The following RCAN2 variants were observed in gnomAD, a reference collection of about 807,000 sequenced individuals.
The protein encoded by RCAN2 is regulator of calcineurin 2.
A neutral mutation model predicts 23.6 loss-of-function variants in RCAN2; 9 were observed. The observed-to-expected ratio is 0.38, with a 90% confidence interval of 0.23 to 0.67. RCAN2 has a LOEUF of 0.67. Among genes scored for constraint, RCAN2 ranks in the 30% least tolerant of loss-of-function variants. The probability of loss-of-function intolerance (pLI) is 0.51; values close to 1 mark genes in which losing one functional copy is unlikely to be tolerated. For missense variants in RCAN2, 273 were observed against 302.3 expected, an observed-to-expected ratio of 0.90 and a Z score of 0.72; for synonymous variants, 109 against 115.7, an observed-to-expected ratio of 0.94 and a Z score of 0.37.
intron 2 of RCAN2, among the ~76,000 whole-genome samples, chr6:46,410,519 C>G (rs979401206): frequency 6.6e-6 from 1 of 152,160 alleles, no homozygotes; most frequent in Admixed American, 6.5e-5. Flanking sequence ...TATTTGACAT[C>G]GTCTTTCTCC....
intron 2 of RCAN2, among the ~76,000 whole-genome samples, chr6:46,302,409 G>A (rs1762930356): frequency 6.6e-6 from 1 of 152,046 alleles, no homozygotes; most frequent in Non-Finnish European, 1.5e-5. Flanking sequence ...TCCAAGAGAG[G>A]ATCTGCAGAC....
At chr6:46,254,644 T>G (rs1426895225) in intron 2 of RCAN2, among the ~76,000 whole-genome samples, 1 of 152,056 alleles carries the variant, frequency 6.6e-6, no homozygotes, top group East Asian at 1.9e-4. Context: ...GGGAAACACT[T>G]ATTGGCTGAA....
At chr6:46,385,847 ACT>A (rs1457968992) in intron 2 of RCAN2, among the ~76,000 whole-genome samples, 2 of 122,658 alleles carry the variant, frequency 1.6e-5, no homozygotes. Flanking sequence ...GCAAAACAAG[ACT>A]CTCTCTCTCT....
chr6:46,379,319 T>A (rs921689402), intron 2 of RCAN2, among the ~76,000 whole-genome samples: 2 of 152,168 alleles, frequency 1.3e-5, no homozygotes, highest in South Asian at 4.2e-4. Context: ...TGAAAATGAT[T>A]AACTGCTCTG....
At chr6:46,407,133 G>A (rs1473613488) in intron 2 of RCAN2, among the ~76,000 whole-genome samples, 1 of 152,166 alleles carries the variant, frequency 6.6e-6, no homozygotes, top group Non-Finnish European at 1.5e-5. Flanking sequence ...GAACTGTTTG[G>A]TAAAGGAGCC....
intron 2 of RCAN2, among the ~76,000 whole-genome samples, chr6:46,419,381 C>A (rs778776481): frequency 3.9e-5 from 6 of 152,166 alleles, no homozygotes; most frequent in Non-Finnish European, 8.8e-5. Flanking sequence ...CTAGTATGCT[C>A]TTCTCCCAAT....
chr6:46,261,774 C>A (rs778561678), intron 2 of RCAN2, among the ~76,000 whole-genome samples: 14 of 152,088 alleles, frequency 9.2e-5, no homozygotes, highest in Non-Finnish European at 1.6e-4. Context: ...AAATGTAGAG[C>A]CCAAATTAGC....
At chr6:46,276,485 A>C (rs1767711021) in intron 2 of RCAN2, among the ~76,000 whole-genome samples, 1 of 152,120 alleles carries the variant, frequency 6.6e-6, no homozygotes, top group Non-Finnish European at 1.5e-5. Flanking sequence ...CCACCATCAA[A>C]AGAGGCATCC....
intron 2 of RCAN2, among the ~76,000 whole-genome samples, chr6:46,249,798 C>T (rs1051261859): frequency 1.3e-5 from 2 of 152,116 alleles, no homozygotes; most frequent in African/African-American, 4.8e-5. Flanking sequence ...TCAAAAGGTA[C>T]AGCTGTCAGA....
At chr6:46,326,070 G>A (rs1763786470) in intron 2 of RCAN2, among the ~76,000 whole-genome samples, 1 of 152,210 alleles carries the variant, frequency 6.6e-6, no homozygotes, top group South Asian at 2.1e-4. Context: ...ACTCAGAGCA[G>A]CCACACATGT....
In RCAN2 at chr6:46,408,600, C is replaced by A. The variant is rs534098083; in HGVS notation, c.225+48152G>T. 1.4e-4 allele frequency among the ~76,000 whole-genome samples: 21 copies of A among 152,252 alleles called. 1 individual carries two copies. In the South Asian group the frequency reaches 4.1e-3, roughly 30 times the overall value. ...ATTGACCAAGATTTGGCTACAGATTCCTGCCACCCAAACGGAGCAAAGCTG... is the reference window on the plus strand; with the variant it reads ...ATTGACCAAGATTTGGCTACAGATTACTGCCACCCAAACGGAGCAAAGCTG... On this transcript the variant is annotated intron_variant, in intron 2 of 4. Coordinates refer to ENST00000371374, the MANE Select transcript of RCAN2 (RefSeq NM_001251974.2).
intron 2 of RCAN2, among the ~76,000 whole-genome samples, chr6:46,403,976 C>G (rs1457395156): frequency 6.6e-6 from 1 of 152,106 alleles, no homozygotes; most frequent in Non-Finnish European, 1.5e-5. Flanking sequence ...AATCCCAACA[C>G]TTTGGGAGGT....
chr6:46,475,424 AT>A (rs907572478), intron 1 of RCAN2, among the ~76,000 whole-genome samples: 5 of 152,166 alleles, frequency 3.3e-5, no homozygotes, highest in African/African-American at 1.2e-4. Flanking sequence ...GTAAGTGCTT[AT>A]TGTAGAAATG....
intron 1 of RCAN2, among the ~76,000 whole-genome samples, chr6:46,472,245 A>G (rs1416958599): frequency 6.6e-6 from 1 of 152,168 alleles, no homozygotes; most frequent in African/African-American, 2.4e-5. Context: ...GATGCTTCCT[A>G]GGAAAATATA....
At position 46,381,570 on chromosome 6, in the gene RCAN2, C is replaced by T. The variant is rs1054359191; in HGVS notation, c.225+75182G>A. Among the ~76,000 whole-genome samples the T allele has an allele frequency of 2.6e-5, 4 of 152,160 alleles. No individual in the cohort carries two copies. The South Asian group carries it at 6.2e-4, about 24-fold the overall frequency. On this transcript the variant is annotated intron_variant, in intron 2 of 4. Transcript: ENST00000371374. ...GCCCTCACACAGTAATCCTACTAGG[C>T]GTTCTCGTTCCCCCAGACAAAGAGC...
chr6:46,373,252 A>G (rs769817217), intron 2 of RCAN2, among the ~76,000 whole-genome samples: 11 of 152,042 alleles, frequency 7.2e-5, no homozygotes, highest in Admixed American at 6.6e-5. Flanking sequence ...TTATTAGGTT[A>G]GTATTTTGGT....
At chr6:46,331,115 C>T (rs1763955399) in intron 2 of RCAN2, among the ~76,000 whole-genome samples, 1 of 152,180 alleles carries the variant, frequency 6.6e-6, no homozygotes, top group South Asian at 2.1e-4. Context: ...TACTTCTCAT[C>T]TACTATTTAG....
chr6:46,490,799 C>G (rs1769118664), intron 1 of RCAN2, among the ~76,000 whole-genome samples: 1 of 152,112 alleles, frequency 6.6e-6, no homozygotes, highest in Admixed American at 6.5e-5. Flanking sequence ...GCCTCAGTCC[C>G]GGGGATCACA....
At chr6:46,468,656 A>G in intron 1 of RCAN2, 1 of 222,852 alleles carries the variant, frequency 4.5e-6, no homozygotes, top group Non-Finnish European at 7.5e-6. Context: ...GCTTCTTCCT[A>G]TAATGCTGGC....
Sources: allele counts gnomAD v4.1 joint callset (sites outside exome capture counted in the v4.1 genomes callset), GRCh38; gene constraint gnomAD v4.1.1; transcripts MANE v1.5; gene names NCBI Gene and HGNC (gene_info 2026-07-23, HGNC 2026-07-21).